The following CDK14 variants were observed in gnomAD, a reference collection of about 807,000 sequenced individuals.
The protein encoded by CDK14 is cyclin dependent kinase 14, also known as cyclin-dependent kinase 14.
In CDK14, 34 loss-of-function variants were observed where a neutral mutation model predicts 60.7. That is an observed-to-expected ratio of 0.56 (90% CI 0.43 to 0.75). CDK14 has a LOEUF of 0.75. CDK14 is among the 30% of genes least tolerant of loss of function. The pLI is 0.00. For synonymous variants in CDK14, 197 were observed against 203.7 expected (o/e 0.97, Z 0.28); for missense variants, 482 against 564.1 (o/e 0.85, Z 1.47).
At chr7:90,804,562 T>C (rs1211212998) in intron 5 of CDK14, among the ~76,000 whole-genome samples, 1 of 152,162 alleles carries the variant, frequency 6.6e-6, no homozygotes, top group Non-Finnish European at 1.5e-5. Flanking sequence ...TTATGTAAAT[T>C]GCCACAATTG....
intron 2 of CDK14, among the ~76,000 whole-genome samples, chr7:90,661,952 T>C (rs2116505847): frequency 6.6e-6 from 1 of 152,326 alleles, no homozygotes; most frequent in Non-Finnish European, 1.5e-5. Flanking sequence ...GGATTAAATA[T>C]GCTGCTTGCT....
intron 9 of CDK14, 25 bp downstream of exon 9, chr7:90,955,842 G>A: frequency 6.2e-7 from 1 of 1,610,970 alleles, no homozygotes; most frequent in Non-Finnish European, 8.5e-7. Flanking sequence ...CTTTACTCTA[G>A]CTAATCTATC....
intron 10 of CDK14, among the ~76,000 whole-genome samples, chr7:90,991,469 G>A (rs1421470995): frequency 6.6e-6 from 1 of 152,088 alleles, no homozygotes; most frequent in African/African-American, 2.4e-5. Flanking sequence ...CAAGGGAAGG[G>A]TGACCAGAAG....
intron 3 of CDK14, among the ~76,000 whole-genome samples, chr7:90,739,595 G>C (rs1337194198): frequency 1.3e-5 from 2 of 152,108 alleles, no homozygotes; most frequent in African/African-American, 4.8e-5. Context: ...TTGGCTTCCT[G>C]TTCTCTTGCC....
At position 90,889,194 on chromosome 7, in the gene CDK14, A is replaced by G. The variant is rs545192377; in HGVS notation, c.640-10097A>G. ...TGTTTGGTTTTAAGAATTAACTCCTACAAGATTGAAACCACTTCAGACACT... is the reference window on the plus strand; with the variant it reads ...TGTTTGGTTTTAAGAATTAACTCCTGCAAGATTGAAACCACTTCAGACACT... On this transcript the variant is annotated intron_variant, in intron 6 of 14. Transcript: ENST00000380050. Among the ~76,000 whole-genome samples the G allele has an allele frequency of 3.3e-5, 5 of 152,338 alleles. No individual in the cohort carries two copies. The East Asian group carries it at 5.8e-4, about 18-fold the overall frequency.
chr7:91,065,559 T>C (rs1448796832), intron 11 of CDK14, among the ~76,000 whole-genome samples: 1 of 152,240 alleles, frequency 6.6e-6, no homozygotes, highest in Non-Finnish European at 1.5e-5. Flanking sequence ...GGACTATAGA[T>C]TCAGCTTTTA....
At chr7:91,160,876 A>G (rs1325899648) in intron 14 of CDK14, among the ~76,000 whole-genome samples, 1 of 152,184 alleles carries the variant, frequency 6.6e-6, no homozygotes, top group Non-Finnish European at 1.5e-5. Context: ...TTATTCTATA[A>G]TTGCATTGTA....
intron 7 of CDK14, among the ~76,000 whole-genome samples, chr7:90,900,161 A>G (rs1792459487): frequency 6.6e-6 from 1 of 152,198 alleles, no homozygotes; most frequent in Non-Finnish European, 1.5e-5. Flanking sequence ...CTTTCTATGT[A>G]TATGTGTAAA....
At chr7:90,984,376 C>A in intron 10 of CDK14, 135 bp downstream of exon 10, 1 of 636,338 alleles carries the variant, frequency 1.6e-6, no homozygotes, top group Non-Finnish European at 2.8e-6. Flanking sequence ...ATATTTTGGA[C>A]CTTTGAAAAA....
At chr7:90,961,135 T>C (rs1794592238) in intron 9 of CDK14, among the ~76,000 whole-genome samples, 1 of 152,174 alleles carries the variant, frequency 6.6e-6, no homozygotes, top group Admixed American at 6.5e-5. Flanking sequence ...CTTAAGATGA[T>C]TTATTTAAAA....
chr7:91,073,669 T>G (rs1205958842), intron 11 of CDK14, among the ~76,000 whole-genome samples: 3 of 152,058 alleles, frequency 2.0e-5, no homozygotes, highest in Non-Finnish European at 4.4e-5. Context: ...ACCTTAAATG[T>G]AAATGGGCTA....
intron 14 of CDK14, among the ~76,000 whole-genome samples, chr7:91,154,734 T>A (rs1033943690): frequency 1.3e-4 from 20 of 152,156 alleles, no homozygotes; most frequent in Non-Finnish European, 2.2e-4. Context: ...TGGCACATTC[T>A]AGCTGACGTT....
Position 90,982,348 on chromosome 7 carries a change from T to C in CDK14, c.948-1800T>C, listed in dbSNP as rs551711893. On this transcript the variant is annotated intron_variant, in intron 9 of 14. Transcript: ENST00000380050. ...AGGGTACTCTAGATAGTGAAGCAATTTGAGCCAAATGGTACAGTTTTATGC... is the reference window on the plus strand; with the variant it reads ...AGGGTACTCTAGATAGTGAAGCAATCTGAGCCAAATGGTACAGTTTTATGC... Among the ~76,000 whole-genome samples the C allele has an allele frequency of 2.0e-5, 3 of 152,282 alleles. No individual in the cohort carries two copies. The South Asian group carries it at 6.2e-4, about 32-fold the overall frequency.
chr7:90,787,894 AAAT>A (rs1382203468), intron 4 of CDK14, among the ~76,000 whole-genome samples: 1 of 152,132 alleles, frequency 6.6e-6, no homozygotes, highest in Non-Finnish European at 1.5e-5. Context: ...TTCACTATGA[AAAT>A]AATACAAATT....
chr7:91,051,340 G>A (rs1303869762), intron 11 of CDK14, among the ~76,000 whole-genome samples: 1 of 152,190 alleles, frequency 6.6e-6, no homozygotes, highest in Non-Finnish European at 1.5e-5. Flanking sequence ...TCTAACCTTG[G>A]AAGCTGCTAT....
intron 7 of CDK14, among the ~76,000 whole-genome samples, chr7:90,911,640 G>A (rs1038092122): frequency 6.8e-6 from 1 of 147,470 alleles, no homozygotes; most frequent in African/African-American, 2.5e-5. Flanking sequence ...TCATGGAGCA[G>A]GACACCTCTA....
intron 14 of CDK14, among the ~76,000 whole-genome samples, chr7:91,130,283 T>C (rs1800077348): frequency 6.6e-6 from 1 of 152,172 alleles, no homozygotes; most frequent in African/African-American, 2.4e-5. Context: ...CTCCCACTAA[T>C]TCTCTTTGGA....
At chr7:91,021,655 C>T (rs947757016) in intron 10 of CDK14, among the ~76,000 whole-genome samples, 1 of 152,106 alleles carries the variant, frequency 6.6e-6, no homozygotes, top group African/African-American at 2.4e-5. Flanking sequence ...AAGATTCATT[C>T]CTCTTTTATT....
chr7:91,097,837 A>G (rs1188105593), intron 12 of CDK14, among the ~76,000 whole-genome samples: 1 of 152,146 alleles, frequency 6.6e-6, no homozygotes, highest in African/African-American at 2.4e-5. Context: ...AGTAAACCAT[A>G]TGTTTCCTTC....
Sources: gnomAD v4.1 joint callset for allele counts (sites outside exome capture counted in the v4.1 genomes callset) on GRCh38, gnomAD v4.1.1 for gene constraint, MANE v1.5 for transcripts, NCBI Gene and HGNC (gene_info 2026-07-23, HGNC 2026-07-21) for gene names.